AVL9: variants seen among roughly 807,000 people sequenced by gnomAD.
AVL9 encodes the protein AVL9 cell migration associated.
In AVL9, 49 loss-of-function variants were observed where a neutral mutation model predicts 79.2. That is an observed-to-expected ratio of 0.62 (90% CI 0.49 to 0.79). The LOEUF (loss-of-function observed/expected upper bound fraction) is 0.79, where lower values mean the gene tolerates loss of function less well. Among genes scored for constraint, AVL9 ranks in the 30% least tolerant of loss-of-function variants. The probability of loss-of-function intolerance (pLI) is 0.00; values close to 1 mark genes in which losing one functional copy is unlikely to be tolerated. For missense variants in AVL9, 682 were observed against 776.8 expected (o/e 0.88, Z 1.45); for synonymous variants, 299 against 280.6 (o/e 1.07, Z -0.65).
rs577411911 is a variant in AVL9 at position 32,535,875 on chromosome 7, C to G, written c.94-7266C>G. The G allele has an allele frequency of 2.4e-4, 36 of 152,250 alleles. 1 individual carries two copies. The highest frequency in any genetic ancestry group is 8.2e-4 in the African/African-American group (34 of 41,540). 9.4% of individuals were successfully genotyped at this position (152,250 alleles called of 1,614,324 possible). Reference sequence around the variant, plus strand: ...GGGGCAGTTTCCCCCATGCATTTCTCTTGATAGTGAATGAATCTCATGAGA... The same window carrying G: ...GGGGCAGTTTCCCCCATGCATTTCTGTTGATAGTGAATGAATCTCATGAGA... On this transcript the variant is annotated intron_variant, in intron 1 of 15. Transcript: ENST00000318709.
intron 1 of AVL9, chr7:32,535,095 T>A (rs982782339): frequency 1.8e-4 from 27 of 152,262 alleles, no homozygotes; most frequent in African/African-American, 6.3e-4. Context: ...GCTTCTCCTG[T>A]GTCTGTTTCC....
chr7:32,541,557 T>A (rs1381934134), intron 1 of AVL9, among the ~76,000 whole-genome samples: 1 of 152,144 alleles, frequency 6.6e-6, no homozygotes, highest in East Asian at 1.9e-4. Flanking sequence ...ACATCATCTT[T>A]GAATTTGTGT....
intron 10 of AVL9, among the ~76,000 whole-genome samples, chr7:32,567,369 T>C (rs1246446894): frequency 6.6e-6 from 1 of 152,206 alleles, no homozygotes; most frequent in Non-Finnish European, 1.5e-5. Flanking sequence ...CCCAAAGTGC[T>C]GGGATTACAG....
intron 1 of AVL9, among the ~76,000 whole-genome samples, chr7:32,511,215 A>G (rs895435199): frequency 6.9e-6 from 1 of 144,750 alleles, no homozygotes; most frequent in Non-Finnish European, 1.5e-5. Flanking sequence ...CCAGGGTGAG[A>G]TTCATGAGCC....
chr7:32,535,367 TC>T (rs1373354719), intron 1 of AVL9: 2 of 152,204 alleles, frequency 1.3e-5, no homozygotes, highest in Non-Finnish European at 2.9e-5. Flanking sequence ...ACCTGAGAAA[TC>T]AGGAGAAAGA....
intron 13 of AVL9, among the ~76,000 whole-genome samples, chr7:32,579,083 A>G (rs1791229946): frequency 6.6e-6 from 1 of 151,348 alleles, no homozygotes; most frequent in African/African-American, 2.4e-5. Context: ...TGGGCCATGA[A>G]GAGTAGTTTG....
At chr7:32,580,420 C>T in intron 14 of AVL9, 148 bp downstream of exon 14, 1 of 664,816 alleles carries the variant, frequency 1.5e-6, no homozygotes, top group South Asian at 1.9e-5. Context: ...TTTAGCTCAG[C>T]AGTGTGTATG....
chr7:32,535,647 C>CT (rs1554338023), intron 1 of AVL9: 1 of 152,166 alleles, frequency 6.6e-6, no homozygotes, highest in African/African-American at 2.4e-5. Flanking sequence ...TTGGCAGACT[C>CT]TATTTTGATC....
intron 1 of AVL9, among the ~76,000 whole-genome samples, chr7:32,517,914 C>G (rs962389210): frequency 2.6e-5 from 4 of 152,006 alleles, no homozygotes; most frequent in Admixed American, 2.0e-4. Context: ...TCACTGCAAC[C>G]TCTACCTACC....
intron 1 of AVL9, among the ~76,000 whole-genome samples, chr7:32,539,533 C>T (rs1189008085): frequency 1.3e-5 from 2 of 152,172 alleles, no homozygotes; most frequent in Non-Finnish European, 2.9e-5. Context: ...CATAACACAG[C>T]AGATTTGGCT....
intron 8 of AVL9, among the ~76,000 whole-genome samples, chr7:32,557,295 C>T (rs1338051766): frequency 1.3e-5 from 2 of 152,082 alleles, no homozygotes; most frequent in Non-Finnish European, 2.9e-5. Flanking sequence ...TCAAGTGATC[C>T]TCCTGCCTCA....
At chr7:32,569,929 A>G in intron 10 of AVL9, 91 bp from the exon 11 acceptor site, 1 of 1,256,744 alleles carries the variant, frequency 8.0e-7, no homozygotes, top group Non-Finnish European at 1.1e-6. Flanking sequence ...GAAGAATGGA[A>G]GTTTCTTTTC....
intron 1 of AVL9, among the ~76,000 whole-genome samples, chr7:32,504,803 G>A (rs1472930191): frequency 6.6e-6 from 1 of 152,198 alleles, no homozygotes; most frequent in Non-Finnish European, 1.5e-5. Flanking sequence ...TCTGTGCATT[G>A]ATGAGGTATT....
At chr7:32,513,722 G>A (rs1787787805) in intron 1 of AVL9, among the ~76,000 whole-genome samples, 1 of 152,298 alleles carries the variant, frequency 6.6e-6, no homozygotes, top group East Asian at 1.9e-4. Flanking sequence ...GTGGGCCCAG[G>A]GGACCAGCGC....
intron 8 of AVL9, among the ~76,000 whole-genome samples, chr7:32,555,074 C>T (rs1235982707): frequency 6.6e-6 from 1 of 152,166 alleles, no homozygotes; most frequent in African/African-American, 2.4e-5. Flanking sequence ...CACGGTGGCT[C>T]ACACTTGTAA....
At chr7:32,580,595 T>G (rs1791451230) in intron 14 of AVL9, among the ~76,000 whole-genome samples, 1 of 152,206 alleles carries the variant, frequency 6.6e-6, no homozygotes, top group Admixed American at 6.5e-5. Flanking sequence ...ATCTGTATGT[T>G]CTTCTCGTGT....
intron 1 of AVL9, chr7:32,539,242 T>G (rs1025599668): frequency 6.6e-6 from 1 of 152,008 alleles, no homozygotes; most frequent in Non-Finnish European, 1.5e-5. Flanking sequence ...CGAGCGAAAC[T>G]CCATCTCAAA....
chr7:32,495,775 C>T lies in AVL9; in HGVS notation c.66C>T (p.Val22=). The change falls in exon 1 of 16, where the codon GTC becomes GTT. Residue 22 remains valine, a synonymous_variant. Transcript: ENST00000318709. ...GGCCCGTACTGCACATCGTGGTGGT[C>T]GGATTTCACCACAAGAAGGGCTGCC... ...PRGPVLHIVV[V]GFHHKKGCQV... 7.9e-6 allele frequency: 10 copies of T among 1,259,778 alleles called. No homozygotes were observed. The highest frequency in any genetic ancestry group is 3.1e-5 in the East Asian group (1 of 31,776). The allele number at this position is 1,259,778 out of a possible 1,614,324, so 78.0% of individuals were successfully genotyped here. A position where few individuals can be genotyped will look rare whatever the true frequency, so the allele number is the denominator to read the frequency against.
At chr7:32,573,936 A>G (rs962932184) in intron 12 of AVL9, among the ~76,000 whole-genome samples, 1 of 152,256 alleles carries the variant, frequency 6.6e-6, no homozygotes, top group African/African-American at 2.4e-5. Flanking sequence ...AATGGTTAAA[A>G]TGGAGCAGGT....
Sources: allele counts gnomAD v4.1 joint callset (sites outside exome capture counted in the v4.1 genomes callset), GRCh38; gene constraint gnomAD v4.1.1; transcripts MANE v1.5; gene names NCBI Gene and HGNC (gene_info 2026-07-23, HGNC 2026-07-21).